The following TBC1D19 variants were observed in gnomAD, a reference collection of about 807,000 sequenced individuals.
TBC1D19 encodes TBC1 domain family member 19, also known as TBC1 domain family, member 19.
Under a neutral mutation model 89.0 loss-of-function variants are expected in TBC1D19, and 60 were observed. The ratio of observed to expected loss-of-function variants is 0.67; its 90% CI spans 0.55 to 0.84. The LOEUF (loss-of-function observed/expected upper bound fraction) is 0.84. Among genes scored for constraint, TBC1D19 ranks in the 40% least tolerant of loss-of-function variants. The pLI is 0.00. For synonymous variants in TBC1D19, 189 were observed against 199.7 expected, an observed-to-expected ratio of 0.95 and a Z score of 0.45; for missense variants, 500 against 610.8, an observed-to-expected ratio of 0.82 and a Z score of 1.91.
chr4:26,735,068 G>A (rs1228349111), intron 15 of TBC1D19, among the ~76,000 whole-genome samples: 1 of 150,042 alleles, frequency 6.7e-6, no homozygotes, highest in Non-Finnish European at 1.5e-5. Flanking sequence ...ATGTATATAT[G>A]TATACACATG....
At chr4:26,661,538 C>G (rs1745222514) in intron 8 of TBC1D19, among the ~76,000 whole-genome samples, 1 of 152,062 alleles carries the variant, frequency 6.6e-6, no homozygotes, top group South Asian at 2.1e-4. Flanking sequence ...ACCTAGAAAC[C>G]CCAGACTTTT....
chr4:26,644,035 A>G (rs550082859), intron 7 of TBC1D19, among the ~76,000 whole-genome samples: 1 of 152,334 alleles, frequency 6.6e-6, no homozygotes, highest in East Asian at 1.9e-4. Context: ...AACTATTCCA[A>G]TCAATAGAAA....
chr4:26,800,116 A>G, the TBC1D19 span, among the ~76,000 whole-genome samples: 1 of 152,102 alleles, frequency 6.6e-6, no homozygotes. Context: ...TTGACTCGTC[A>G]TTTAGCATTA....
chr4:26,608,312 CA>C (rs1741136127), intron 1 of TBC1D19, among the ~76,000 whole-genome samples: 1 of 152,102 alleles, frequency 6.6e-6, no homozygotes, highest in Non-Finnish European at 1.5e-5. Context: ...GAGGCTATAT[CA>C]GAATAAAGCT....
At chr4:26,658,149 G>A (rs913106312) in intron 7 of TBC1D19, among the ~76,000 whole-genome samples, 6 of 152,134 alleles carry the variant, frequency 3.9e-5, no homozygotes, top group African/African-American at 4.8e-5. Context: ...TTTAAGACAC[G>A]AAGTCTTTGC....
At chr4:26,788,375 G>A in the TBC1D19 span, among the ~76,000 whole-genome samples, 8 of 152,172 alleles carry the variant, frequency 5.3e-5, no homozygotes, top group Non-Finnish European at 1.0e-4. Context: ...GGAGGTTCCC[G>A]GATACTCATC....
At chr4:26,723,723 CA>C (rs1287759718) in intron 15 of TBC1D19, among the ~76,000 whole-genome samples, 6 of 152,164 alleles carry the variant, frequency 3.9e-5, no homozygotes, top group Non-Finnish European at 8.8e-5. Flanking sequence ...TGTTATTCAA[CA>C]CATATAAATT....
intron 9 of TBC1D19, among the ~76,000 whole-genome samples, chr4:26,670,353 A>G (rs1251087793): frequency 1.3e-5 from 2 of 151,572 alleles, no homozygotes; most frequent in Non-Finnish European, 1.5e-5. Flanking sequence ...AGAATAAGGC[A>G]TTCTGGCTCA....
intron 13 of TBC1D19, among the ~76,000 whole-genome samples, chr4:26,699,766 A>G (rs1341352745): frequency 6.6e-6 from 1 of 152,064 alleles, no homozygotes; most frequent in Non-Finnish European, 1.5e-5. Context: ...CACAAGAACA[A>G]AAAACCAAAC....
intron 1 of TBC1D19, among the ~76,000 whole-genome samples, chr4:26,612,948 A>G (rs1741473420): frequency 6.6e-6 from 1 of 152,134 alleles, no homozygotes; most frequent in African/African-American, 2.4e-5. Context: ...ACTTTAGTAT[A>G]CTATCACAGA....
the TBC1D19 span, among the ~76,000 whole-genome samples, chr4:26,849,411 G>A: frequency 6.6e-6 from 1 of 151,954 alleles, no homozygotes; most frequent in Non-Finnish European, 1.5e-5. Context: ...TCTTTTTCTG[G>A]TTAGCCTTTA....
At chr4:26,775,798 CTTTA>C in the TBC1D19 span, among the ~76,000 whole-genome samples, 2 of 151,948 alleles carry the variant, frequency 1.3e-5, no homozygotes, top group Non-Finnish European at 2.9e-5. Flanking sequence ...AGGGCTTTCC[CTTTA>C]TTTGTCAGTT....
intron 18 of TBC1D19, among the ~76,000 whole-genome samples, chr4:26,744,287 T>C: frequency 6.6e-6 from 1 of 151,826 alleles, no homozygotes; most frequent in East Asian, 1.9e-4. Context: ...TTATTCTGGC[T>C]GCAGGTTTAT....
chr4:26,815,126 T>C, the TBC1D19 span, among the ~76,000 whole-genome samples: 1 of 152,248 alleles, frequency 6.6e-6, no homozygotes, highest in Non-Finnish European at 1.5e-5. Flanking sequence ...CTTCTCCTTC[T>C]CATCCCAACA....
chr4:26,801,976 T>C, the TBC1D19 span, among the ~76,000 whole-genome samples: 2 of 152,104 alleles, frequency 1.3e-5, no homozygotes, highest in Admixed American at 6.5e-5. Context: ...ACAGTATTAT[T>C]ATACTGTATT....
intron 11 of TBC1D19, among the ~76,000 whole-genome samples, chr4:26,674,090 G>A (rs969085333): frequency 1.3e-5 from 2 of 151,990 alleles, no homozygotes; most frequent in African/African-American, 4.8e-5. Flanking sequence ...TGAAGTTTTT[G>A]TTATTAATAA....
chr4:26,842,583 C>CTTT, the TBC1D19 span, among the ~76,000 whole-genome samples: 54 of 70,592 alleles, frequency 7.6e-4, 1 homozygote, highest in African/African-American at 2.5e-3. Context: ...TTCCTCCCTC[C>CTTT]CTTTCTTTCT....
chr4:26,576,736 C>T (rs1738982814), exon 1 of TBC1D19: 2 of 456,040 alleles, frequency 4.4e-6, no homozygotes, highest in Admixed American at 2.4e-5. Flanking sequence ...GCCACAGAGC[C>T]ACTAGCAGAT....
intron 1 of TBC1D19, among the ~76,000 whole-genome samples, chr4:26,594,041 G>A (rs1175254630): frequency 2.0e-5 from 3 of 152,110 alleles, no homozygotes; most frequent in Admixed American, 6.5e-5. Context: ...ACATGCACAC[G>A]TATGTTTATC....
Sources: allele counts gnomAD v4.1 joint callset (sites outside exome capture counted in the v4.1 genomes callset), GRCh38; gene constraint gnomAD v4.1.1; transcripts MANE v1.5; gene names NCBI Gene and HGNC (gene_info 2026-07-23, HGNC 2026-07-21).